The following RERE variants were observed in gnomAD, a reference collection of about 807,000 sequenced individuals.
The protein encoded by RERE is arginine-glutamic acid dipeptide repeats protein.
Under a neutral mutation model 146.1 loss-of-function variants are expected in RERE, and 40 were observed. The observed-to-expected ratio is 0.27, with a 90% CI of 0.21 to 0.36. The LOEUF is 0.36. RERE is among the 10% of genes least tolerant of loss of function. The pLI is 1.00. For synonymous variants in RERE, 1,003 were observed against 866.0 expected, an observed-to-expected ratio of 1.16 and a Z score of -2.78; for missense variants, 1,933 against 2,138.7, an observed-to-expected ratio of 0.90 and a Z score of 1.90.
At chr1:8,415,210 T>C (rs899701238) in intron 12 of RERE, among the ~76,000 whole-genome samples, 1 of 152,210 alleles carries the variant, frequency 6.6e-6, no homozygotes, top group Non-Finnish European at 1.5e-5. Flanking sequence ...CCATTGACTG[T>C]TAACCACAGC....
intron 1 of RERE, among the ~76,000 whole-genome samples, chr1:8,772,122 A>C (rs1370040193): frequency 6.6e-6 from 1 of 152,128 alleles, no homozygotes; most frequent in Non-Finnish European, 1.5e-5. Context: ...AAGAGACTGG[A>C]AGAAAAGACA....
chr1:8,422,238 A>G (rs1018416551), intron 12 of RERE, among the ~76,000 whole-genome samples: 7 of 152,226 alleles, frequency 4.6e-5, no homozygotes, highest in African/African-American at 1.7e-4. Flanking sequence ...TCTCAGGGAT[A>G]GAATATTAAA....
At position 8,604,618 on chromosome 1, in the gene RERE, GAGGGAGGAAGGA is replaced by G. The variant is rs1465170889; in HGVS notation, c.522+9931_522+9942del. Among the ~76,000 whole-genome samples the G allele has an allele frequency of 6.2e-3, 408 of 66,054 alleles. 2 individuals carry two copies. Among genetic ancestry groups the G allele is most frequent in the Middle Eastern group, 0.02 (3 of 150 alleles). 43.3% of individuals were successfully genotyped at this position (66,054 alleles called of 152,430 possible). A position where few individuals can be genotyped will look rare whatever the true frequency, so the allele number is the denominator to read the frequency against. On this transcript the variant is annotated intron_variant, in intron 4 of 22. Transcript: ENST00000400908. Reference sequence around the variant, plus strand: ...GAAGGAAGGGAGGGAGGGAGGGAGGGAGGGAGGAAGGAAGGAAGGAAGGAAGGAAGGAAGGAA... The same window carrying G: ...GAAGGAAGGGAGGGAGGGAGGGAGGGAGGAAGGAAGGAAGGAAGGAAGGAA...
chr1:8,512,425 C>T (rs1349048117), intron 7 of RERE, among the ~76,000 whole-genome samples: 1 of 151,352 alleles, frequency 6.6e-6, no homozygotes. Context: ...GTCTCTGTAC[C>T]CTTTTACACT....
At chr1:8,626,603 A>G (rs1460578317) in intron 2 of RERE, among the ~76,000 whole-genome samples, 1 of 152,182 alleles carries the variant, frequency 6.6e-6, no homozygotes, top group East Asian at 1.9e-4. Context: ...CTCTGACCAC[A>G]GACATGCCAG....
rs528476906 is a variant in RERE at position 8,553,167 on chromosome 1, G to A, written c.725+3308C>T. ...AGTAGGCCAGTGCATCCACACATGC[G>A]TGTGCGACACACCACTAGGCCAGTG... On this transcript the variant is annotated intron_variant, in intron 6 of 22. Coordinates refer to ENST00000400908, the MANE Select transcript of RERE (RefSeq NM_001042681.2). Among the ~76,000 whole-genome samples, 32 of 145,954 alleles carry A rather than the reference G, an allele frequency of 2.2e-4. No individual in the cohort carries two copies. The South Asian group carries it at 3.3e-3, about 15-fold the overall frequency.
chr1:8,535,550 A>C (rs1645713589), intron 7 of RERE, among the ~76,000 whole-genome samples: 1 of 152,256 alleles, frequency 6.6e-6, no homozygotes, highest in African/African-American at 2.4e-5. Context: ...ACAAGGAACT[A>C]TTCTGTTTTA....
At chr1:8,691,352 C>T (rs908394969) in intron 1 of RERE, among the ~76,000 whole-genome samples, 1 of 152,126 alleles carries the variant, frequency 6.6e-6, no homozygotes, top group Non-Finnish European at 1.5e-5. Context: ...ATAAAGAAAG[C>T]AGTTTAATAC....
At chr1:8,649,248 C>T (rs1647477520) in intron 2 of RERE, among the ~76,000 whole-genome samples, 1 of 151,962 alleles carries the variant, frequency 6.6e-6, no homozygotes, top group African/African-American at 2.4e-5. Flanking sequence ...TTAGATCTGA[C>T]TCAAGGACAA....
At chr1:8,378,999 G>A (rs1418305721) in intron 12 of RERE, among the ~76,000 whole-genome samples, 2 of 152,132 alleles carry the variant, frequency 1.3e-5, no homozygotes, top group African/African-American at 2.4e-5. Flanking sequence ...GCCAAACCTC[G>A]CAGCTTATCC....
intron 1 of RERE, among the ~76,000 whole-genome samples, chr1:8,717,807 A>G (rs1639791525): frequency 6.6e-6 from 1 of 152,236 alleles, no homozygotes. Flanking sequence ...AAAAGAGTCC[A>G]ATAATTCACA....
intron 11 of RERE, among the ~76,000 whole-genome samples, chr1:8,437,422 C>T (rs1644185243): frequency 6.6e-6 from 1 of 152,048 alleles, no homozygotes; most frequent in South Asian, 2.1e-4. Flanking sequence ...CCCTGTCTAA[C>T]AGGTGATCAT....
At chr1:8,568,527 G>A (rs994934751) in intron 4 of RERE, among the ~76,000 whole-genome samples, 5 of 152,150 alleles carry the variant, frequency 3.3e-5, no homozygotes, top group Admixed American at 3.3e-4. Flanking sequence ...ATGCATTCAT[G>A]GGTTAACGAC....
At chr1:8,539,897 A>G (rs1458808604) in intron 7 of RERE, among the ~76,000 whole-genome samples, 1 of 152,150 alleles carries the variant, frequency 6.6e-6, no homozygotes, top group Non-Finnish European at 1.5e-5. Context: ...GCAGCTTCAT[A>G]AAACCACAAC....
chr1:8,517,980 C>G (rs1475185497), intron 7 of RERE, among the ~76,000 whole-genome samples: 1 of 152,178 alleles, frequency 6.6e-6, no homozygotes, highest in Non-Finnish European at 1.5e-5. Flanking sequence ...GTGAGAAGAG[C>G]ATGCCTGCTA....
chr1:8,445,702 G>T lies in RERE; in HGVS notation c.1203+20223C>A, dbSNP rs746801301. Among the ~76,000 whole-genome samples, 8 of 151,408 alleles carry T rather than the reference G, an allele frequency of 5.3e-5. 1 individual carries two copies. Among genetic ancestry groups the T allele is most frequent in the African/African-American group, 1.9e-4 (8 of 41,176 alleles). On this transcript the variant is annotated intron_variant, in intron 11 of 22. Transcript: ENST00000400908. Reference sequence around the variant, plus strand: ...ACCCCACCTTTTTTTTTTTATGTTCGGGGATACATGGGCAGAACGTGCAGG... The same window carrying T: ...ACCCCACCTTTTTTTTTTTATGTTCTGGGATACATGGGCAGAACGTGCAGG...
chr1:8,764,656 T>A (rs1640815581), intron 1 of RERE, among the ~76,000 whole-genome samples: 1 of 152,114 alleles, frequency 6.6e-6, no homozygotes, highest in Admixed American at 6.6e-5. Context: ...GAAAAGAATG[T>A]TCACCACACA....
At chr1:8,783,183 A>G (rs1213363436) in intron 1 of RERE, among the ~76,000 whole-genome samples, 2 of 151,928 alleles carry the variant, frequency 1.3e-5, no homozygotes. Flanking sequence ...AAAGTTTTTA[A>G]AATTAGCTGA....
chr1:8,676,538 A>C (rs1638845062), intron 1 of RERE, among the ~76,000 whole-genome samples: 1 of 152,222 alleles, frequency 6.6e-6, no homozygotes, highest in Non-Finnish European at 1.5e-5. Flanking sequence ...CATTAAATCA[A>C]AATGTTCATA....
Sources: allele counts gnomAD v4.1 joint callset (sites outside exome capture counted in the v4.1 genomes callset), GRCh38; gene constraint gnomAD v4.1.1; transcripts MANE v1.5; gene names NCBI Gene and HGNC (gene_info 2026-07-23, HGNC 2026-07-21).